RNF111: variants seen among roughly 807,000 people sequenced by gnomAD.
The protein encoded by RNF111 is E3 ubiquitin-protein ligase Arkadia.
RNF111 carries 17 observed loss-of-function variants against 95.1 expected under a neutral mutation model. The ratio of observed to expected loss-of-function variants is 0.18; its 90% CI spans 0.12 to 0.27. The LOEUF (loss-of-function observed/expected upper bound fraction) is 0.27. RNF111 is among the 10% of genes least tolerant of loss of function. The probability of loss-of-function intolerance (pLI) is 1.00; values close to 1 mark genes in which losing one functional copy is unlikely to be tolerated. For missense variants in RNF111, 1,189 were observed against 1,210.4 expected (o/e 0.98, Z 0.26); for synonymous variants, 440 against 414.8 (o/e 1.06, Z -0.74).
At chr15:59,006,574 C>T (rs1354545142) in intron 1 of RNF111, among the ~76,000 whole-genome samples, 2 of 152,192 alleles carry the variant, frequency 1.3e-5, no homozygotes, top group Non-Finnish European at 2.9e-5. Flanking sequence ...CTCCCTGCCA[C>T]CTAGATTCTA....
intron 5 of RNF111, among the ~76,000 whole-genome samples, chr15:59,062,429 C>G (rs1241199421): frequency 3.3e-5 from 5 of 152,192 alleles, no homozygotes; most frequent in African/African-American, 1.2e-4. Flanking sequence ...CCACAAACAG[C>G]TCATTATCTG....
chr15:59,021,414 G>A (rs1362403740), intron 1 of RNF111, among the ~76,000 whole-genome samples: 10 of 152,170 alleles, frequency 6.6e-5, no homozygotes, highest in African/African-American at 2.4e-4. Context: ...GCCTCCCAAA[G>A]TGTTGGGATT....
At chr15:58,989,943 CCTT>C (rs1214190549) in intron 1 of RNF111, among the ~76,000 whole-genome samples, 4 of 151,658 alleles carry the variant, frequency 2.6e-5, no homozygotes, top group Non-Finnish European at 4.4e-5. Flanking sequence ...ACTTATGTGC[CCTT>C]CTTTTGACTT....
chr15:59,058,214 C>A, intron 4 of RNF111, 142 bp from the exon 5 acceptor site: 1 of 670,058 alleles, frequency 1.5e-6, no homozygotes, highest in South Asian at 2.3e-5. Flanking sequence ...TTTGTGAACG[C>A]TTTCTTTACC....
rs149777069 is a variant in RNF111, at chr15:59,075,735, A to G, written c.1687-219A>G. 4.8e-3 allele frequency among the ~76,000 whole-genome samples: 731 copies of G among 152,340 alleles called. 13 individuals carry two copies. The highest frequency in any genetic ancestry group is 0.017 in the African/African-American group (699 of 41,584). On this transcript the variant is annotated intron_variant, in intron 6 of 13. Transcript: ENST00000348370. Reference sequence around the variant, plus strand: ...GATTTTTAAAAATTGGTTTAACTGTAAAACCACTACAGTTTTCACAATCCA... The same window carrying G: ...GATTTTTAAAAATTGGTTTAACTGTGAAACCACTACAGTTTTCACAATCCA...
intron 7 of RNF111, among the ~76,000 whole-genome samples, chr15:59,079,027 C>T (rs139253302): frequency 2.0e-5 from 3 of 152,198 alleles, no homozygotes; most frequent in East Asian, 3.9e-4. Context: ...GAAACAATAT[C>T]AAGAACTTTT....
At chr15:59,078,031 A>G (rs1349277600) in intron 7 of RNF111, among the ~76,000 whole-genome samples, 2 of 152,218 alleles carry the variant, frequency 1.3e-5, no homozygotes, top group African/African-American at 2.4e-5. Flanking sequence ...GGAAGACAAT[A>G]TGGCATAGTA....
chr15:59,064,364 T>C (rs963408004), intron 5 of RNF111, among the ~76,000 whole-genome samples: 5 of 151,726 alleles, frequency 3.3e-5, no homozygotes, highest in Admixed American at 6.6e-5. Flanking sequence ...TGAAACCCCG[T>C]CTCTACTAAA....
chr15:58,992,566 A>G (rs1472695500), intron 1 of RNF111, among the ~76,000 whole-genome samples: 5 of 152,132 alleles, frequency 3.3e-5, no homozygotes, highest in African/African-American at 7.2e-5. Context: ...GCCTGTAATC[A>G]TAGCACCTTG....
intron 1 of RNF111, among the ~76,000 whole-genome samples, chr15:58,999,618 C>A (rs1299656787): frequency 6.6e-6 from 1 of 152,140 alleles, no homozygotes; most frequent in Non-Finnish European, 1.5e-5. Flanking sequence ...TTACAGGTGT[C>A]AGCCACTGTG....
intron 2 of RNF111, among the ~76,000 whole-genome samples, chr15:59,044,432 A>C (rs2141891375): frequency 6.6e-6 from 1 of 152,324 alleles, no homozygotes; most frequent in African/African-American, 2.4e-5. Flanking sequence ...TGCTGATGCC[A>C]AGAGAATCTG....
intron 6 of RNF111, among the ~76,000 whole-genome samples, chr15:59,073,373 C>T (rs1027953163): frequency 6.6e-6 from 1 of 151,550 alleles, no homozygotes; most frequent in South Asian, 2.1e-4. Flanking sequence ...CCCAGCTGCT[C>T]GCGAGGCTGA....
intron 5 of RNF111, among the ~76,000 whole-genome samples, chr15:59,058,908 A>G (rs1386289053): frequency 1.3e-5 from 2 of 152,180 alleles, no homozygotes; most frequent in Admixed American, 1.3e-4. Context: ...AGCCTACAGA[A>G]TGGGGGGAAG....
At chr15:59,074,279 T>C (rs1366805540) in intron 6 of RNF111, among the ~76,000 whole-genome samples, 1 of 152,230 alleles carries the variant, frequency 6.6e-6, no homozygotes, top group East Asian at 1.9e-4. Flanking sequence ...CATCCAGTCC[T>C]TGGAAACTTT....
In RNF111 at chr15:59,039,207, G is replaced by T. The variant is rs180792752; in HGVS notation, c.880+7505G>T. Among the ~76,000 whole-genome samples the T allele has an allele frequency of 5.9e-4, 90 of 152,162 alleles. 1 individual carries two copies. The highest frequency in any genetic ancestry group is 1.9e-3 in the African/African-American group (80 of 41,510). ...TCGAACTCCTAACCTCAGGTCATCT[G>T]CCCGCCTTGGCCTCCCAAAGTGCTG... On this transcript the variant is annotated intron_variant, in intron 2 of 13. Transcript: ENST00000348370.
chr15:59,057,304 CA>C (rs2042238305), intron 4 of RNF111, among the ~76,000 whole-genome samples: 1 of 152,268 alleles, frequency 6.6e-6, no homozygotes, highest in African/African-American at 2.4e-5. Context: ...TACAAATAAA[CA>C]GAAGTTCTTT....
chr15:59,068,223 A>AAACAAC (rs1194336188), intron 6 of RNF111, among the ~76,000 whole-genome samples: 1 of 151,040 alleles, frequency 6.6e-6, no homozygotes, highest in Non-Finnish European at 1.5e-5. Context: ...CTGTCTCAAA[A>AAACAAC]AACAACAACA....
At chr15:59,069,759 G>C (rs142505997) in intron 6 of RNF111, among the ~76,000 whole-genome samples, 75 of 152,176 alleles carry the variant, frequency 4.9e-4, no homozygotes, top group Non-Finnish European at 9.7e-4. Context: ...TCATAAAATA[G>C]CTTCATATAG....
chr15:59,063,567 T>C (rs1189410715), intron 5 of RNF111, among the ~76,000 whole-genome samples: 1 of 152,240 alleles, frequency 6.6e-6, no homozygotes, highest in Admixed American at 6.5e-5. Context: ...TACTGAATCA[T>C]ATATCTCTGT....
Sources: allele counts gnomAD v4.1 joint callset (sites outside exome capture counted in the v4.1 genomes callset), GRCh38; gene constraint gnomAD v4.1.1; transcripts MANE v1.5; gene names NCBI Gene and HGNC (gene_info 2026-07-23, HGNC 2026-07-21).